Variants in ILDR2 observed in about 807,000 individuals in gnomAD.
The protein encoded by ILDR2 is immunoglobulin-like domain-containing receptor 2.
ILDR2 carries 25 observed loss-of-function variants against 66.8 expected under a neutral mutation model. The observed-to-expected ratio is 0.37, with a 90% CI of 0.27 to 0.52. The LOEUF (loss-of-function observed/expected upper bound fraction) is 0.52, where lower values mean the gene tolerates loss of function less well. Ranked by LOEUF, ILDR2 falls within the 20% of genes least tolerant of loss-of-function variation. The pLI is 0.88. For synonymous variants in ILDR2, 367 were observed against 357.2 expected, an observed-to-expected ratio of 1.03 and a Z score of -0.31; for missense variants, 827 against 876.8, an observed-to-expected ratio of 0.94 and a Z score of 0.72.
intron 8 of ILDR2, among the ~76,000 whole-genome samples, chr1:166,922,093 CA>C (rs1264827206): frequency 6.6e-6 from 1 of 152,066 alleles, no homozygotes; most frequent in African/African-American, 2.4e-5. Flanking sequence ...AAGTGTTTGG[CA>C]TTTTACCTTT....
intron 3 of ILDR2, among the ~76,000 whole-genome samples, chr1:166,946,699 C>G (rs1175631035): frequency 6.6e-6 from 1 of 152,170 alleles, no homozygotes. Context: ...GCCAAGAATA[C>G]AACCAGGTGT....
At chr1:166,973,221 A>G (rs533006321) in intron 1 of ILDR2, among the ~76,000 whole-genome samples, 28 of 152,300 alleles carry the variant, frequency 1.8e-4, no homozygotes, top group Middle Eastern at 3.4e-3. Context: ...CTCCAGGTGC[A>G]GGTGGCAGAA....
At position 166,922,819 on chromosome 1, in the gene ILDR2, C is replaced by T; in HGVS notation, c.995-10G>A. On this transcript the variant is annotated splice_polypyrimidine_tract_variant and intron_variant, in intron 7 of 9. Transcript: ENST00000271417. ...GAGATGGTGTTGTTATCTGCAGGGA[C>T]AAAATCAGGCATGATAGAGCTTTTT... is the stretch of plus-strand genomic sequence containing the variant. 8 of 1,608,812 alleles carry T rather than the reference C, an allele frequency of 5.0e-6. No homozygotes were observed. The highest frequency in any genetic ancestry group is 6.8e-6 in the Non-Finnish European group (8 of 1,175,180).
downstream of ILDR2, among the ~76,000 whole-genome samples, chr1:166,906,423 G>T (rs1479259069): frequency 6.6e-6 from 1 of 152,198 alleles, no homozygotes; most frequent in African/African-American, 2.4e-5. Flanking sequence ...ATCTTAAAAT[G>T]TATGTAAGAA....
intron 1 of ILDR2, among the ~76,000 whole-genome samples, chr1:166,964,359 A>G (rs1189497169): frequency 1.3e-5 from 2 of 152,234 alleles, no homozygotes; most frequent in Non-Finnish European, 2.9e-5. Flanking sequence ...AAGTTCTGGC[A>G]AAACAGATTT....
chr1:166,944,918 G>A (rs1661524291), intron 3 of ILDR2, among the ~76,000 whole-genome samples: 1 of 152,124 alleles, frequency 6.6e-6, no homozygotes, highest in African/African-American at 2.4e-5. Context: ...CCAGAGCAGG[G>A]ACTATGCTCT....
At chr1:166,961,248 T>C (rs1414891079) in intron 1 of ILDR2, among the ~76,000 whole-genome samples, 2 of 152,174 alleles carry the variant, frequency 1.3e-5, no homozygotes, top group Non-Finnish European at 2.9e-5. Flanking sequence ...GATTTATTTA[T>C]TTTTTTAGAG....
In ILDR2 at chr1:166,918,016, C is replaced by T. The variant is rs763522756; in HGVS notation, c.*1339G>A. The T allele has an allele frequency of 2.6e-5, 4 of 152,144 alleles. No individual in the cohort carries two copies. The highest frequency in any genetic ancestry group is 4.4e-5 in the Non-Finnish European group (3 of 68,032). The allele number at this position is 152,144 out of a possible 1,614,324, so 9.4% of individuals were successfully genotyped here. A position where few individuals can be genotyped will look rare whatever the true frequency, so the allele number is the denominator to read the frequency against. ...CTACTGGCTAAATCAAATCACATAG[C>T]CAACTCCAGATTCAAGGGGTTGGAA... On this transcript the variant is annotated 3_prime_UTR_variant, in exon 10 of 10. Coordinates refer to ENST00000271417, the MANE Select transcript of ILDR2 (RefSeq NM_199351.3).
intron 6 of ILDR2, among the ~76,000 whole-genome samples, chr1:166,929,508 A>G (rs1316603271): frequency 6.6e-6 from 1 of 152,204 alleles, no homozygotes; most frequent in African/African-American, 2.4e-5. Context: ...CATGCTTTAC[A>G]CATAGTGGGG....
chr1:166,948,750 A>C (rs916284130), intron 3 of ILDR2, among the ~76,000 whole-genome samples: 1 of 152,212 alleles, frequency 6.6e-6, no homozygotes, highest in Non-Finnish European at 1.5e-5. Flanking sequence ...GGGCTAAAGG[A>C]AAATCAGCTC....
rs1661176391 is a variant in ILDR2, at chr1:166,939,372, G to T, written c.556+142C>A. 1.9e-5 allele frequency: 13 copies of T among 670,006 alleles called. No homozygotes were observed. The South Asian group carries it at 2.3e-4, about 12-fold the overall frequency. The allele number at this position is 670,006 out of a possible 1,614,324, so 41.5% of individuals were successfully genotyped here. ...AATGCAATTTAAAAGCCCTTCCAAT[G>T]GGTTTAGTTAATCCTGGAAAAGATC... On this transcript the variant is annotated intron_variant, in intron 4 of 9. Coordinates refer to ENST00000271417, the MANE Select transcript of ILDR2 (RefSeq NM_199351.3).
At chr1:166,973,612 T>TCCCCCCCCCCCCCC in intron 1 of ILDR2, among the ~76,000 whole-genome samples, 1 of 64,958 alleles carries the variant, frequency 1.5e-5, no homozygotes. Flanking sequence ...CAGGGACCCC[T>TCCCCCCCCCCCCCC]CCCCCCCCCC....
chr1:166,961,431 C>CA (rs922699073), intron 1 of ILDR2, among the ~76,000 whole-genome samples: 10 of 151,534 alleles, frequency 6.6e-5, no homozygotes, highest in African/African-American at 2.2e-4. Context: ...ACTCATGCTC[C>CA]AAAAAAATAA....
intron 6 of ILDR2, among the ~76,000 whole-genome samples, chr1:166,929,869 C>T (rs181552996): frequency 8.5e-5 from 13 of 152,196 alleles, no homozygotes; most frequent in African/African-American, 2.9e-4. Flanking sequence ...GTAGAAAAGT[C>T]TGGGTATCAT....
At chr1:166,956,958 T>C (rs1202338456) in intron 2 of ILDR2, 106 bp from the exon 3 acceptor site, 2 of 1,183,394 alleles carry the variant, frequency 1.7e-6, no homozygotes, top group East Asian at 5.1e-5. Flanking sequence ...GTATCTGCAG[T>C]ATTTTCTTTC....
At chr1:166,938,573 T>C (rs1215040796) in intron 4 of ILDR2, among the ~76,000 whole-genome samples, 1 of 152,254 alleles carries the variant, frequency 6.6e-6, no homozygotes, top group Non-Finnish European at 1.5e-5. Context: ...TGTCTGTGTT[T>C]GGGTTGGCCA....
At chr1:166,906,347 G>A (rs1659349918), downstream of ILDR2, among the ~76,000 whole-genome samples, 1 of 152,184 alleles carries the variant, frequency 6.6e-6, no homozygotes, top group South Asian at 2.1e-4. Flanking sequence ...AGGAAGCATG[G>A]ACCTGGGGCT....
At chr1:166,954,434 G>A (rs1662158185) in intron 3 of ILDR2, among the ~76,000 whole-genome samples, 1 of 152,170 alleles carries the variant, frequency 6.6e-6, no homozygotes, top group South Asian at 2.1e-4. Context: ...AAAAATTTTT[G>A]TAGATTTCTA....
At chr1:166,968,851 C>A (rs1320572298) in intron 1 of ILDR2, among the ~76,000 whole-genome samples, 1 of 152,112 alleles carries the variant, frequency 6.6e-6, no homozygotes, top group African/African-American at 2.4e-5. Flanking sequence ...TTGAGCCAAC[C>A]CCATCAAACC....
Sources: gnomAD v4.1 joint callset for allele counts (sites outside exome capture counted in the v4.1 genomes callset) on GRCh38, gnomAD v4.1.1 for gene constraint, MANE v1.5 for transcripts, NCBI Gene and HGNC (gene_info 2026-07-23, HGNC 2026-07-21) for gene names.